The following DCC variants were observed in gnomAD, a reference collection of about 807,000 sequenced individuals.
The protein encoded by DCC is netrin receptor DCC.
DCC carries 58 observed loss-of-function variants against 172.5 expected under a neutral mutation model. The ratio of observed to expected loss-of-function variants is 0.34; its 90% confidence interval spans 0.27 to 0.42. The LOEUF is 0.42. Ranked by LOEUF, DCC falls within the 10% of genes least tolerant of loss-of-function variation. The pLI, the probability that DCC is intolerant of heterozygous loss-of-function variation, is 1.00. For missense variants in DCC, 1,740 were observed against 1,791.0 expected, an observed-to-expected ratio of 0.97 and a Z score of 0.51; for synonymous variants, 709 against 644.5, an observed-to-expected ratio of 1.10 and a Z score of -1.52.
chr18:52,678,805 A>C (rs551623047), intron 1 of DCC, among the ~76,000 whole-genome samples: 5 of 152,154 alleles, frequency 3.3e-5, no homozygotes, highest in African/African-American at 1.2e-4. Flanking sequence ...TTCTGTTTCC[A>C]CCCTAAGAAT....
At chr18:52,545,523 G>T (rs552003443) in intron 1 of DCC, among the ~76,000 whole-genome samples, 303 of 152,288 alleles carry the variant, frequency 2.0e-3, no homozygotes, top group Non-Finnish European at 3.4e-3. Flanking sequence ...ACAGGTAAAA[G>T]GTTCAGTATC....
chr18:52,395,247 T>G (rs1433029339), intron 1 of DCC, among the ~76,000 whole-genome samples: 1 of 152,050 alleles, frequency 6.6e-6, no homozygotes, highest in East Asian at 1.9e-4. Context: ...AATTTACTAT[T>G]GGCTAGGAAA....
intron 1 of DCC, among the ~76,000 whole-genome samples, chr18:52,550,534 T>C (rs1002242108): frequency 2.0e-5 from 3 of 152,114 alleles, no homozygotes; most frequent in African/African-American, 4.8e-5. Flanking sequence ...GGCAAAATCA[T>C]TACTACCTTC....
At chr18:52,656,287 C>T (rs377433227) in intron 1 of DCC, among the ~76,000 whole-genome samples, 1 of 151,716 alleles carries the variant, frequency 6.6e-6, no homozygotes, top group East Asian at 1.9e-4. Flanking sequence ...GATTCGTGCC[C>T]TTATAGCAGA....
At chr18:52,360,712 G>A (rs911431386) in intron 1 of DCC, among the ~76,000 whole-genome samples, 2 of 152,218 alleles carry the variant, frequency 1.3e-5, no homozygotes, top group Non-Finnish European at 2.9e-5. Context: ...TTTATGAAAA[G>A]AGCCATTTCA....
chr18:53,257,519 G>A (rs1421409538), intron 12 of DCC, among the ~76,000 whole-genome samples: 1 of 152,190 alleles, frequency 6.6e-6, no homozygotes, highest in Non-Finnish European at 1.5e-5. Flanking sequence ...TATGTTTATT[G>A]ATTTGCGTGT....
intron 1 of DCC, among the ~76,000 whole-genome samples, chr18:52,708,184 G>C (rs761552909): frequency 6.6e-6 from 1 of 152,170 alleles, no homozygotes; most frequent in Non-Finnish European, 1.5e-5. Context: ...GCTCACGCCT[G>C]TAATCCCAGC....
chr18:52,724,363 G>A (rs750029008), intron 1 of DCC, among the ~76,000 whole-genome samples: 27 of 151,938 alleles, frequency 1.8e-4, no homozygotes, highest in Non-Finnish European at 3.5e-4. Context: ...TGCCCGGGCT[G>A]GTCTCAAATT....
At chr18:52,382,484 G>A (rs1417091863) in intron 1 of DCC, among the ~76,000 whole-genome samples, 1 of 151,974 alleles carries the variant, frequency 6.6e-6, no homozygotes. Context: ...GAACATTTTG[G>A]TAAAACTTAT....
chr18:52,436,940 T>G (rs2144486047), intron 1 of DCC, among the ~76,000 whole-genome samples: 1 of 152,154 alleles, frequency 6.6e-6, no homozygotes, highest in Non-Finnish European at 1.5e-5. Flanking sequence ...AAACAAAAAT[T>G]ATCAGAACAA....
At chr18:53,529,246 T>C (rs1490229602) in intron 28 of DCC, among the ~76,000 whole-genome samples, 1 of 152,194 alleles carries the variant, frequency 6.6e-6, no homozygotes, top group Non-Finnish European at 1.5e-5. Context: ...GTTTTTTCAA[T>C]GGCTGGAGTA....
chr18:53,085,594 TAATC>T (rs2042866910), intron 7 of DCC, among the ~76,000 whole-genome samples: 1 of 152,120 alleles, frequency 6.6e-6, no homozygotes, highest in Non-Finnish European at 1.5e-5. Flanking sequence ...AAATATTACT[TAATC>T]AAAGGGAGAA....
At chr18:53,417,354 T>C (rs1910374467) in intron 21 of DCC, among the ~76,000 whole-genome samples, 1 of 152,172 alleles carries the variant, frequency 6.6e-6, no homozygotes, top group Admixed American at 6.6e-5. Flanking sequence ...TGCACAGCAA[T>C]GGCTACTCAG....
Position 53,106,227 on chromosome 18 carries a change from A to ATTCTTAGCTAAGGACAGCTAGC in DCC, c.1261+40070_1261+40091dup, listed in dbSNP as rs1484238469. 2.6e-5 allele frequency among the ~76,000 whole-genome samples: 4 copies of ATTCTTAGCTAAGGACAGCTAGC among 151,840 alleles called. 1 individual carries two copies. The South Asian group carries it at 8.3e-4, about 31-fold the overall frequency. On this transcript the variant is annotated intron_variant, in intron 7 of 28. Coordinates refer to ENST00000442544, the MANE Select transcript of DCC (RefSeq NM_005215.4). Reference sequence around the variant, plus strand: ...TATTTCCCATTGCTGCCTAACCTAGATTCTTAGCTAAGGACAGCTAGCTTC... The same window carrying ATTCTTAGCTAAGGACAGCTAGC: ...TATTTCCCATTGCTGCCTAACCTAGATTCTTAGCTAAGGACAGCTAGCTTCTTAGCTAAGGACAGCTAGCTTC...
intron 1 of DCC, among the ~76,000 whole-genome samples, chr18:52,746,742 T>C (rs1459778032): frequency 1.3e-5 from 2 of 150,866 alleles, no homozygotes; most frequent in African/African-American, 4.9e-5. Flanking sequence ...TTGAAATGTC[T>C]TTGGCAATAT....
intron 5 of DCC, among the ~76,000 whole-genome samples, chr18:53,025,602 A>T (rs2041944471): frequency 6.6e-6 from 1 of 152,084 alleles, no homozygotes; most frequent in Admixed American, 6.6e-5. Flanking sequence ...ATAAGACTCT[A>T]ATATCTGACT....
At chr18:53,332,850 A>T (rs1028341666) in intron 14 of DCC, among the ~76,000 whole-genome samples, 11 of 152,158 alleles carry the variant, frequency 7.2e-5, no homozygotes, top group African/African-American at 2.2e-4. Flanking sequence ...TTTAAAATAA[A>T]TTAAAAATGA....
chr18:53,269,606 T>C (rs1159439568), intron 12 of DCC, among the ~76,000 whole-genome samples: 1 of 152,222 alleles, frequency 6.6e-6, no homozygotes, highest in East Asian at 1.9e-4. Context: ...CAAGTACCTG[T>C]TTTGCGCCAG....
intron 5 of DCC, among the ~76,000 whole-genome samples, chr18:53,023,341 AAAAAAC>A (rs2041908095): frequency 7.0e-6 from 1 of 142,634 alleles, no homozygotes; most frequent in African/African-American, 2.5e-5. Flanking sequence ...TATAATAAAA[AAAAAAC>A]ATAAAAAAAA....
Sources: allele counts gnomAD v4.1 joint callset (sites outside exome capture counted in the v4.1 genomes callset), GRCh38; gene constraint gnomAD v4.1.1; transcripts MANE v1.5; gene names NCBI Gene and HGNC (gene_info 2026-07-23, HGNC 2026-07-21).